The following NBDY variants were observed in gnomAD, a reference collection of about 807,000 sequenced individuals.
NBDY encodes P-body dissociating protein.
chrX:56,806,523 G>A (rs1286940534), intron 2 of NBDY, among the ~76,000 whole-genome samples: 1 of 112,229 alleles, frequency 8.9e-6, no homozygotes, highest in African/African-American at 3.2e-5. Context: ...TAACGGGCAT[G>A]AAATGGTATC....
intron 1 of NBDY, among the ~76,000 whole-genome samples, chrX:56,731,391 T>G (rs1344675301): frequency 1.1e-5 from 1 of 88,328 alleles, no homozygotes; most frequent in African/African-American, 3.7e-5. Flanking sequence ...AAACCCCATC[T>G]CTACTAAAAG....
At chrX:56,737,592 A>C in intron 2 of NBDY, 1 of 533,669 alleles carries the variant, frequency 1.9e-6, no homozygotes, top group Non-Finnish European at 3.1e-6. Context: ...ACCTGCTTTA[A>C]TTTTTTTTAA....
intron 2 of NBDY, among the ~76,000 whole-genome samples, chrX:56,796,761 A>G (rs1276064611): frequency 2.7e-5 from 3 of 110,858 alleles, no homozygotes; most frequent in African/African-American, 9.9e-5. Context: ...GGCACTGTTC[A>G]GCCTACACCT....
chrX:56,742,275 T>G (rs1263206849), intron 2 of NBDY, among the ~76,000 whole-genome samples: 1 of 111,589 alleles, frequency 9.0e-6, no homozygotes, highest in African/African-American at 3.2e-5. Flanking sequence ...ATTCCTCCAG[T>G]TTTGTTCTTT....
chrX:56,742,212 A>G (rs2069535058), intron 2 of NBDY, among the ~76,000 whole-genome samples: 1 of 111,470 alleles, frequency 9.0e-6, no homozygotes, highest in Non-Finnish European at 1.9e-5. Flanking sequence ...TGACAATACC[A>G]TGCTGTTTTG....
At chrX:56,781,188 C>G (rs1426704806) in intron 2 of NBDY, among the ~76,000 whole-genome samples, 2 of 111,766 alleles carry the variant, frequency 1.8e-5, no homozygotes, top group East Asian at 2.8e-4. Context: ...CATAGGTCCT[C>G]AGGCACATAC....
At chrX:56,751,867 C>T (rs1040020686) in intron 2 of NBDY, among the ~76,000 whole-genome samples, 7 of 112,218 alleles carry the variant, frequency 6.2e-5, no homozygotes, top group Admixed American at 5.6e-4. Context: ...CCTCCTGCCT[C>T]TAGTAATCTG....
At chrX:56,786,723 C>CT (rs902743564) in intron 2 of NBDY, among the ~76,000 whole-genome samples, 1 of 110,086 alleles carries the variant, frequency 9.1e-6, no homozygotes, top group South Asian at 4.0e-4. Flanking sequence ...TCTGCTTCAG[C>CT]TTTTTTTCCC....
At chrX:56,738,402 G>T (rs1001390847) in intron 2 of NBDY, among the ~76,000 whole-genome samples, 3 of 111,477 alleles carry the variant, frequency 2.7e-5, no homozygotes, top group Non-Finnish European at 5.7e-5. Context: ...ACACCAGCTG[G>T]GTGTTCTCCA....
chrX:56,801,589 A>C (rs893530506), intron 2 of NBDY, among the ~76,000 whole-genome samples: 3 of 111,167 alleles, frequency 2.7e-5, no homozygotes, highest in African/African-American at 9.8e-5. Context: ...GTTACTTTTC[A>C]TGAAATGTCA....
intron 2 of NBDY, among the ~76,000 whole-genome samples, chrX:56,788,744 C>T (rs1334259653): frequency 2.7e-5 from 3 of 112,734 alleles, no homozygotes; most frequent in Admixed American, 1.9e-4. Context: ...CTGTCAGTGG[C>T]CAGTGGCTTC....
At chrX:56,809,752 CATTTAAGGTTAAT>C (rs1422743835) in intron 2 of NBDY, among the ~76,000 whole-genome samples, 1 of 112,297 alleles carries the variant, frequency 8.9e-6, no homozygotes, top group African/African-American at 3.2e-5. Context: ...AGCCCATTTA[CATTTAAGGTTAAT>C]ATTGTTATGT....
At chrX:56,806,995 A>C (rs775734695) in intron 2 of NBDY, among the ~76,000 whole-genome samples, 6 of 111,671 alleles carry the variant, frequency 5.4e-5, no homozygotes, top group Non-Finnish European at 1.1e-4. Flanking sequence ...TTTTGTATAA[A>C]GTGTAAGGAA....
At chrX:56,807,719 A>G (rs1380595067) in intron 2 of NBDY, among the ~76,000 whole-genome samples, 1 of 112,077 alleles carries the variant, frequency 8.9e-6, no homozygotes, top group Non-Finnish European at 1.9e-5. Flanking sequence ...TTTTGGGCTG[A>G]GACGATGGGG....
chrX:56,810,519 C>G lies in NBDY; in HGVS notation c.*167-6801C>G, dbSNP rs749314081. Among the ~76,000 whole-genome samples the G allele has an allele frequency of 2.7e-5, 3 of 109,369 alleles. No homozygotes were observed. In the Admixed American group the frequency reaches 3.0e-4, roughly 11 times the overall value. The allele number at this position is 109,369 out of a possible 115,157, so 95.0% of individuals were successfully genotyped here. On this transcript the variant is annotated intron_variant, in intron 2 of 2. Transcript: ENST00000374922. ...GAGTTGATCTTCAATCTCTGATATC[C>G]TTTCTTCTGCTTGATCCATTCAGCT...
At chrX:56,804,220 C>A (rs1480451793) in intron 2 of NBDY, among the ~76,000 whole-genome samples, 2 of 112,054 alleles carry the variant, frequency 1.8e-5, no homozygotes, top group Admixed American at 1.9e-4. Flanking sequence ...GGGGAAGGGA[C>A]AAAAGCTTGG....
chrX:56,733,165 A>AT (rs1372934897), intron 2 of NBDY, among the ~76,000 whole-genome samples: 4 of 109,735 alleles, frequency 3.6e-5, no homozygotes, highest in Admixed American at 2.9e-4. Flanking sequence ...AATATTTATT[A>AT]TTTTTAAATT....
chrX:56,739,097 G>A (rs1183762846), intron 2 of NBDY, among the ~76,000 whole-genome samples: 1 of 105,266 alleles, frequency 9.5e-6, no homozygotes, highest in East Asian at 3.0e-4. Context: ...GAAGATTAGA[G>A]TATATTTTTA....
intron 2 of NBDY, among the ~76,000 whole-genome samples, chrX:56,801,861 T>C (rs2069824120): frequency 9.1e-6 from 1 of 109,677 alleles, no homozygotes; most frequent in African/African-American, 3.3e-5. Context: ...CACAACCACA[T>C]GGACTCACAG....
Sources: gnomAD v4.1 joint callset for allele counts (sites outside exome capture counted in the v4.1 genomes callset) on GRCh38, gnomAD v4.1.1 for gene constraint, MANE v1.5 for transcripts, NCBI Gene and HGNC (gene_info 2026-07-23, HGNC 2026-07-21) for gene names.